The following TMEM132B variants were observed in gnomAD, a reference collection of about 807,000 sequenced individuals.
TMEM132B encodes transmembrane protein 132B.
TMEM132B carries 18 observed loss-of-function variants against 90.8 expected under a neutral mutation model. The ratio of observed to expected loss-of-function variants is 0.20; its 90% confidence interval spans 0.14 to 0.29. The LOEUF (loss-of-function observed/expected upper bound fraction) is 0.29, where lower values mean the gene tolerates loss of function less well. Ranked by LOEUF, TMEM132B falls within the 10% of genes least tolerant of loss-of-function variation. TMEM132B has a pLI of 1.00. For missense variants in TMEM132B, 1,096 were observed against 1,326.8 expected (o/e 0.83, Z 2.70); for synonymous variants, 504 against 523.3 (o/e 0.96, Z 0.50).
chr12:125,518,825 A>C (rs902353493), intron 3 of TMEM132B, among the ~76,000 whole-genome samples: 3 of 152,230 alleles, frequency 2.0e-5, no homozygotes, highest in African/African-American at 7.2e-5. Context: ...CATTTGGTGA[A>C]ATGAGAAGTC....
chr12:125,638,186 ACCAG>A (rs1181388545), intron 5 of TMEM132B, among the ~76,000 whole-genome samples: 1 of 152,122 alleles, frequency 6.6e-6, no homozygotes, highest in African/African-American at 2.4e-5. Context: ...TCTGCCTTTC[ACCAG>A]CTGTGATTCC....
intron 6 of TMEM132B, among the ~76,000 whole-genome samples, chr12:125,649,716 C>T (rs899453389): frequency 1.3e-5 from 2 of 152,176 alleles, no homozygotes; most frequent in African/African-American, 4.8e-5. Context: ...TCCCCAGGCA[C>T]TGAGGGCACA....
intron 1 of TMEM132B, among the ~76,000 whole-genome samples, chr12:125,206,804 GC>G (rs1355253409): frequency 1.3e-5 from 2 of 152,236 alleles, no homozygotes; most frequent in Non-Finnish European, 2.9e-5. Flanking sequence ...GCTGGTGGCA[GC>G]CAGCTACCTT....
At chr12:125,414,249 G>A (rs1879943047) in intron 2 of TMEM132B, among the ~76,000 whole-genome samples, 2 of 152,174 alleles carry the variant, frequency 1.3e-5, no homozygotes, top group Non-Finnish European at 2.9e-5. Flanking sequence ...GCCCTTATCA[G>A]ATAGACAATT....
intron 2 of TMEM132B, among the ~76,000 whole-genome samples, chr12:125,361,665 C>G (rs1877962925): frequency 6.6e-6 from 1 of 152,228 alleles, no homozygotes; most frequent in Admixed American, 6.5e-5. Context: ...CCCAAGCTAA[C>G]TGTCACCTGC....
At chr12:125,596,011 G>A (rs1885431010) in intron 5 of TMEM132B, among the ~76,000 whole-genome samples, 1 of 151,818 alleles carries the variant, frequency 6.6e-6, no homozygotes, top group African/African-American at 2.4e-5. Flanking sequence ...ACTCACTCAT[G>A]TCAGGAACTA....
At chr12:125,333,231 C>CAGA (rs1876847694) in intron 1 of TMEM132B, among the ~76,000 whole-genome samples, 1 of 152,194 alleles carries the variant, frequency 6.6e-6, no homozygotes, top group Non-Finnish European at 1.5e-5. Context: ...GTCTCCCTGT[C>CAGA]CTTTCTCTTA....
intron 1 of TMEM132B, among the ~76,000 whole-genome samples, chr12:125,222,142 C>T (rs1045876752): frequency 6.6e-6 from 1 of 152,134 alleles, no homozygotes; most frequent in Non-Finnish European, 1.5e-5. Context: ...CCCACATCAC[C>T]TTTATTAGAA....
At chr12:125,305,846 T>C (rs909834700) in intron 1 of TMEM132B, among the ~76,000 whole-genome samples, 4 of 152,216 alleles carry the variant, frequency 2.6e-5, no homozygotes, top group African/African-American at 7.2e-5. Context: ...CTTTCTCTAT[T>C]GCTGGGTATG....
intron 1 of TMEM132B, among the ~76,000 whole-genome samples, chr12:125,196,191 G>A (rs1407764877): frequency 6.6e-6 from 1 of 152,188 alleles, no homozygotes; most frequent in East Asian, 1.9e-4. Flanking sequence ...CACAAGATTT[G>A]CTGATGAATT....
intron 2 of TMEM132B, among the ~76,000 whole-genome samples, chr12:125,384,970 A>G (rs1261144030): frequency 6.6e-6 from 1 of 151,990 alleles, no homozygotes; most frequent in Non-Finnish European, 1.5e-5. Context: ...CCCTTTGATC[A>G]ACACCTCTCC....
intron 6 of TMEM132B, among the ~76,000 whole-genome samples, chr12:125,648,878 T>C (rs1251075368): frequency 6.6e-6 from 1 of 152,212 alleles, no homozygotes; most frequent in Non-Finnish European, 1.5e-5. Flanking sequence ...TGTTGTTAAA[T>C]TCTGAGTAGA....
chr12:125,475,775 T>G (rs949161678), intron 3 of TMEM132B, among the ~76,000 whole-genome samples: 1 of 152,154 alleles, frequency 6.6e-6, no homozygotes, highest in African/African-American at 2.4e-5. Flanking sequence ...TCCTATTAGT[T>G]CCCCTCTAAA....
rs539204089 is a variant in TMEM132B, at chr12:125,209,734, T to C, written c.67+22868T>C. Among the ~76,000 whole-genome samples, 2 of 152,338 alleles carry C rather than the reference T, an allele frequency of 1.3e-5. No homozygotes were observed. The highest frequency in any genetic ancestry group is 4.1e-4 in the South Asian group (2 of 4,832). ...TCTTTGTTCCATGAGTTTCCTTTGT[T>C]ATCTGATGGAATGCAAGGGTTACTA... is the stretch of plus-strand genomic sequence containing the variant. On this transcript the variant is annotated intron_variant, in intron 1 of 8. Transcript: ENST00000682704. This position sits in a 1 kb window ranked among gnomAD's most constrained non-coding sequence, Gnocchi z 4.4.
intron 4 of TMEM132B, among the ~76,000 whole-genome samples, chr12:125,541,583 T>C (rs1327568342): frequency 6.6e-6 from 1 of 152,096 alleles, no homozygotes; most frequent in Non-Finnish European, 1.5e-5. Flanking sequence ...GAGCCTTTAA[T>C]ATGCCAAAGT....
chr12:125,438,734 T>A (rs1156328766), intron 3 of TMEM132B, among the ~76,000 whole-genome samples: 2 of 151,724 alleles, frequency 1.3e-5, no homozygotes, highest in Non-Finnish European at 2.9e-5. Context: ...CTTATGAATG[T>A]TTATATAATT....
chr12:125,278,475 A>G (rs1593065958), intron 1 of TMEM132B, among the ~76,000 whole-genome samples: 1 of 100,742 alleles, frequency 9.9e-6, no homozygotes, highest in African/African-American at 5.9e-5. Context: ...GGGAATCTCC[A>G]TCTTTTTTTT....
At position 125,186,729 on chromosome 12, in the gene TMEM132B, C is replaced by T. The variant is rs1957762495; in HGVS notation, c.-71C>T. 6.9e-6 allele frequency: 1 copy of T among 145,770 alleles called. No homozygotes were observed. The highest frequency in any genetic ancestry group is 2.2e-4 in the South Asian group (1 of 4,598). 9.0% of individuals were successfully genotyped at this position (145,770 alleles called of 1,614,324 possible). A position where few individuals can be genotyped will look rare whatever the true frequency, so the allele number is the denominator to read the frequency against. On this transcript the variant is annotated 5_prime_UTR_variant, in exon 1 of 9. Coordinates refer to ENST00000682704, the MANE Select transcript of TMEM132B (RefSeq NM_001366854.1). The surrounding 1 kb of genome is among the most constrained non-coding windows in gnomAD (Gnocchi z 6.3). ...CGGGCGTAGCCGCCGGGGGCTGCTC[C>T]GGGAGCCGCGGGCCGGGCCGGGCGC... is the stretch of plus-strand genomic sequence containing the variant.
chr12:125,484,744 C>G (rs1225103338), intron 3 of TMEM132B, among the ~76,000 whole-genome samples: 1 of 152,076 alleles, frequency 6.6e-6, no homozygotes, highest in Admixed American at 6.6e-5. Flanking sequence ...AATCTTCCCC[C>G]CTCAGCCTCC....
Sources: allele counts gnomAD v4.1 joint callset (sites outside exome capture counted in the v4.1 genomes callset), GRCh38; gene constraint gnomAD v4.1.1; non-coding constraint Gnocchi (gnomAD v3.1); transcripts MANE v1.5; gene names NCBI Gene and HGNC (gene_info 2026-07-23, HGNC 2026-07-21).